The following MSRB3 variants were observed in gnomAD, a reference collection of about 807,000 sequenced individuals.
MSRB3 encodes the protein methionine sulfoxide reductase B3, also known as methionine-R-sulfoxide reductase B3.
Under a neutral mutation model 21.0 loss-of-function variants are expected in MSRB3, and 13 were observed. That is an observed-to-expected ratio of 0.62 (90% CI 0.40 to 0.98). MSRB3 has a LOEUF of 0.98. Ranked by LOEUF, MSRB3 falls within the 50% of genes least tolerant of loss-of-function variation. The pLI is 0.00. For synonymous variants in MSRB3, 87 were observed against 88.6 expected (o/e 0.98, Z 0.10); for missense variants, 199 against 230.3 (o/e 0.86, Z 0.88).
chr12:65,419,248 TCG>T, intron 5 of MSRB3: 1 of 727,008 alleles, frequency 1.4e-6, no homozygotes, highest in Admixed American at 1.9e-5. Flanking sequence ...CCGAGCCAGC[TCG>T]TCATATTGGG....
intron 5 of MSRB3, among the ~76,000 whole-genome samples, chr12:65,439,175 G>A (rs1882256044): frequency 6.6e-6 from 1 of 151,746 alleles, no homozygotes; most frequent in South Asian, 2.1e-4. Flanking sequence ...AAGCTAAAAA[G>A]TACAGAGGAT....
chr12:65,440,585 C>A (rs28429120), intron 5 of MSRB3, among the ~76,000 whole-genome samples: 2,085 of 151,928 alleles, frequency 0.014, 44 homozygotes, highest in African/African-American at 0.048. Flanking sequence ...TATCAAAAGA[C>A]TATATAATGC....
At chr12:65,459,444 A>T (rs542660319) in intron 6 of MSRB3, among the ~76,000 whole-genome samples, 3 of 152,308 alleles carry the variant, frequency 2.0e-5, no homozygotes, top group Non-Finnish European at 4.4e-5. Flanking sequence ...ATCTTTCAGT[A>T]AAATCATAAT....
intron 4 of MSRB3, among the ~76,000 whole-genome samples, chr12:65,347,274 G>C (rs372746007): frequency 6.6e-6 from 1 of 152,068 alleles, no homozygotes; most frequent in East Asian, 1.9e-4. Flanking sequence ...GCAGTGGTTT[G>C]TAGTTCTCCT....
chr12:65,312,876 T>C (rs1332838877), intron 2 of MSRB3, among the ~76,000 whole-genome samples: 1 of 151,996 alleles, frequency 6.6e-6, no homozygotes, highest in East Asian at 1.9e-4. Flanking sequence ...TGTAAGAGAG[T>C]ACAAATTTAT....
chr12:65,388,469 T>C lies in MSRB3; in HGVS notation c.292+19443T>C, dbSNP rs1879305929. ...TATCAGATGGGACTGTGTTTCAGTGTTATCTCAAAATGGTTCTTGAAATAG... is the reference window on the plus strand; with the variant it reads ...TATCAGATGGGACTGTGTTTCAGTGCTATCTCAAAATGGTTCTTGAAATAG... On this transcript the variant is annotated intron_variant, in intron 5 of 6. Transcript: ENST00000308259. 1.3e-5 allele frequency among the ~76,000 whole-genome samples: 2 copies of C among 152,224 alleles called. 1 individual carries two copies. The highest frequency in any genetic ancestry group is 4.1e-4 in the South Asian group (2 of 4,832).
At chr12:65,280,678 T>G (rs1478282468) in intron 1 of MSRB3, among the ~76,000 whole-genome samples, 1 of 152,238 alleles carries the variant, frequency 6.6e-6, no homozygotes, top group Admixed American at 6.5e-5. Flanking sequence ...AGTAGCTCTT[T>G]GCTACTTATC....
intron 4 of MSRB3, among the ~76,000 whole-genome samples, chr12:65,342,695 A>T (rs1231148868): frequency 6.6e-6 from 1 of 152,058 alleles, no homozygotes; most frequent in East Asian, 1.9e-4. Flanking sequence ...CATTCTTCTT[A>T]TGATACAAGA....
rs1873808310 is a variant in MSRB3 at position 65,308,787 on chromosome 12, A to G, written c.76+132A>G. The G allele has an allele frequency of 3.2e-6, 4 of 1,239,658 alleles. No homozygotes were observed. In the South Asian group the frequency reaches 3.8e-5, roughly 12 times the overall value. 76.8% of individuals were successfully genotyped at this position (1,239,658 alleles called of 1,614,324 possible). ...CTTGGGCCCTAATTTGAAGACGGAAATTGGTTATAAATCACCACTCTACTT... is the reference window on the plus strand; with the variant it reads ...CTTGGGCCCTAATTTGAAGACGGAAGTTGGTTATAAATCACCACTCTACTT... On this transcript the variant is annotated intron_variant, in intron 2 of 6. Coordinates refer to ENST00000308259, the MANE Select transcript of MSRB3 (RefSeq NM_001031679.3).
chr12:65,339,578 A>G (rs1028162461), intron 4 of MSRB3, among the ~76,000 whole-genome samples: 4 of 152,262 alleles, frequency 2.6e-5, no homozygotes, highest in African/African-American at 9.6e-5. Flanking sequence ...TGTAATACAG[A>G]TATGACAGTT....
rs1377800798 is a variant in MSRB3, at chr12:65,278,768, CATGAGCCCG to C, written c.-148_-140del. 1 of 1,578,262 alleles carries C rather than the reference CATGAGCCCG, an allele frequency of 6.3e-7. No homozygotes were observed. Among genetic ancestry groups the C allele is most frequent in the African/African-American group, 1.3e-5 (1 of 74,096 alleles). On this transcript the variant is annotated 5_prime_UTR_variant, in exon 1 of 7. The change abolishes an upstream ATG in the 5' untranslated region. Transcript: ENST00000308259. ...ACCGGCGGCGGCTGCCTGGCCTTTC[CATGAGCCCG>C]CGGCGGACCCTCCCGCGCCCCCTCT... is the stretch of plus-strand genomic sequence containing the variant.
In MSRB3 at chr12:65,405,001, G is replaced by A. The variant is rs1425102102; in HGVS notation, c.292+35975G>A. Among the ~76,000 whole-genome samples the A allele has an allele frequency of 2.0e-5, 3 of 151,522 alleles. 1 individual carries two copies. The highest frequency in any genetic ancestry group is 7.3e-5 in the African/African-American group (3 of 41,176). The stretch of plus-strand genomic sequence containing the variant: ...GACAGAGTCTCAGTCTGTTGCCCAG[G>A]CTGGAGTGCAGTGGTGCAGTCTTGG... On this transcript the variant is annotated intron_variant, in intron 5 of 6. Transcript: ENST00000308259.
intron 4 of MSRB3, among the ~76,000 whole-genome samples, chr12:65,332,335 G>A (rs868748416): frequency 2.0e-5 from 3 of 151,902 alleles, no homozygotes; most frequent in Non-Finnish European, 4.4e-5. Context: ...TGGAGTTTCC[G>A]TTTGTTAGAA....
At chr12:65,401,976 A>T (rs934881153) in intron 5 of MSRB3, among the ~76,000 whole-genome samples, 3 of 152,198 alleles carry the variant, frequency 2.0e-5, no homozygotes, top group Non-Finnish European at 4.4e-5. Flanking sequence ...CTGCAGAAAG[A>T]TCTGCTGTTA....
At chr12:65,450,382 T>C (rs1882804172) in intron 5 of MSRB3, among the ~76,000 whole-genome samples, 1 of 152,194 alleles carries the variant, frequency 6.6e-6, no homozygotes, top group Admixed American at 6.5e-5. Context: ...GGTAATTCTT[T>C]GAAGGGTGAA....
At chr12:65,457,205 G>GTTTAT (rs1233584270) in intron 6 of MSRB3, among the ~76,000 whole-genome samples, 1 of 151,698 alleles carries the variant, frequency 6.6e-6, no homozygotes, top group Non-Finnish European at 1.5e-5. Context: ...AACTTCTCCC[G>GTTTAT]TTTATTTTAT....
chr12:65,313,177 G>A (rs1373037351), intron 2 of MSRB3, among the ~76,000 whole-genome samples: 2 of 152,070 alleles, frequency 1.3e-5, no homozygotes, highest in African/African-American at 4.8e-5. Context: ...TAAGAACTCT[G>A]GCCCTTTTGA....
intron 1 of MSRB3, among the ~76,000 whole-genome samples, chr12:65,297,969 G>A (rs546851749): frequency 1.3e-5 from 2 of 151,974 alleles, no homozygotes; most frequent in East Asian, 1.9e-4. Context: ...TGACTCCAAG[G>A]TTTGAGATTT....
chr12:65,441,529 C>T (rs935353024), intron 5 of MSRB3, among the ~76,000 whole-genome samples: 2 of 151,866 alleles, frequency 1.3e-5, no homozygotes, highest in East Asian at 1.9e-4. Flanking sequence ...GTAACAGGAA[C>T]GTATATAGAA....
Sources: allele counts gnomAD v4.1 joint callset (sites outside exome capture counted in the v4.1 genomes callset), GRCh38; gene constraint gnomAD v4.1.1; transcripts MANE v1.5; gene names NCBI Gene and HGNC (gene_info 2026-07-23, HGNC 2026-07-21).